The following ROCK2 variants were observed in gnomAD, a reference collection of about 807,000 sequenced individuals.
ROCK2 encodes Rho associated coiled-coil containing protein kinase 2, also known as rho-associated protein kinase 2.
Under a neutral mutation model 195.1 loss-of-function variants are expected in ROCK2, and 61 were observed. That is an observed-to-expected ratio of 0.31 (90% CI 0.25 to 0.39). ROCK2 has a LOEUF of 0.39. ROCK2 is among the 10% of genes least tolerant of loss of function. The probability of loss-of-function intolerance (pLI) is 1.00; values close to 1 mark genes in which losing one functional copy is unlikely to be tolerated. For synonymous variants in ROCK2, 504 were observed against 545.5 expected (o/e 0.92, Z 1.06); for missense variants, 1,109 against 1,637.4 (o/e 0.68, Z 5.57).
intron 4 of ROCK2, among the ~76,000 whole-genome samples, chr2:11,239,592 A>AT (rs1466850139): frequency 1.3e-5 from 2 of 152,250 alleles, no homozygotes; most frequent in African/African-American, 2.4e-5. Context: ...GGCATTATTC[A>AT]TTATTCATAA....
intron 3 of ROCK2, among the ~76,000 whole-genome samples, chr2:11,277,507 A>G (rs1572350169): frequency 6.6e-6 from 1 of 152,072 alleles, no homozygotes; most frequent in African/African-American, 2.4e-5. Context: ...CAAGTCCCCA[A>G]AGTCCACTGT....
At chr2:11,196,703 C>T (rs553529341) in intron 27 of ROCK2, among the ~76,000 whole-genome samples, 1 of 152,162 alleles carries the variant, frequency 6.6e-6, no homozygotes, top group South Asian at 2.1e-4. Context: ...CATTAGGTTC[C>T]GATGAAATGG....
rs1328955024 is a variant in ROCK2, at chr2:11,235,696, A to G, written c.723+6T>C. The G allele has an allele frequency of 1.9e-6, 3 of 1,598,998 alleles. No individual in the cohort carries two copies. Among genetic ancestry groups the G allele is most frequent in the Admixed American group, 1.7e-5 (1 of 57,714 alleles). On this transcript the variant is annotated splice_donor_region_variant and intron_variant, in intron 5 of 32. Transcript: ENST00000315872. This position sits in a 1 kb window ranked among gnomAD's most constrained non-coding sequence, Gnocchi z 4.2. ...CACTATCGTTTTAAATAATTTGCTT[A>G]CTTACTTCATCCATCTTCATACACG...
At chr2:11,319,275 T>C (rs1395393963) in intron 1 of ROCK2, among the ~76,000 whole-genome samples, 1 of 152,218 alleles carries the variant, frequency 6.6e-6, no homozygotes. Flanking sequence ...CCTCTTTTAT[T>C]TCGTTGAGCA....
intron 3 of ROCK2, among the ~76,000 whole-genome samples, chr2:11,269,326 A>G (rs369909026): frequency 2.0e-5 from 3 of 152,098 alleles, no homozygotes; most frequent in African/African-American, 7.2e-5. Context: ...AGCCTGGCCA[A>G]CATGGCAAAA....
intron 5 of ROCK2, among the ~76,000 whole-genome samples, chr2:11,233,581 G>A (rs942887599): frequency 1.3e-5 from 2 of 152,114 alleles, no homozygotes; most frequent in Non-Finnish European, 2.9e-5. Flanking sequence ...GGGATTTGGA[G>A]GTGACCTAGA....
intron 32 of ROCK2, among the ~76,000 whole-genome samples, chr2:11,186,960 T>G (rs1239473344): frequency 3.9e-5 from 6 of 152,154 alleles, no homozygotes; most frequent in Non-Finnish European, 8.8e-5. Context: ...GTACTGTAAT[T>G]GCCTGTTGCT....
chr2:11,218,008 AG>A (rs1431471635), intron 11 of ROCK2: 1 of 154,242 alleles, frequency 6.5e-6, no homozygotes, highest in Non-Finnish European at 1.4e-5. Flanking sequence ...AAATCAATGC[AG>A]GTCTATTAGA....
chr2:11,198,466 C>T (rs370020438), intron 25 of ROCK2, 25 bp downstream of exon 25: 48 of 1,473,920 alleles, frequency 3.3e-5, no homozygotes, highest in Non-Finnish European at 1.4e-5. Context: ...AATTCAAAAT[C>T]ATATTTAGAT....
chr2:11,227,165 C>T (rs1664842633), intron 6 of ROCK2, 89 bp downstream of exon 6: 7 of 1,220,998 alleles, frequency 5.7e-6, no homozygotes, highest in East Asian at 2.4e-5. Flanking sequence ...ACGACAAAGG[C>T]AATTAATTTC....
intron 18 of ROCK2, among the ~76,000 whole-genome samples, chr2:11,211,383 C>G (rs1037178464): frequency 6.6e-6 from 1 of 152,002 alleles, no homozygotes; most frequent in Non-Finnish European, 1.5e-5. Context: ...TACACGTATA[C>G]CGAGTGGTAC....
intron 1 of ROCK2, among the ~76,000 whole-genome samples, chr2:11,331,861 A>T (rs1184970965): frequency 1.3e-5 from 2 of 152,140 alleles, no homozygotes; most frequent in East Asian, 3.9e-4. Context: ...GGGAGGCGGA[A>T]GTTGCAGTGA....
At chr2:11,291,659 C>T (rs1667366969) in intron 1 of ROCK2, among the ~76,000 whole-genome samples, 1 of 152,106 alleles carries the variant, frequency 6.6e-6, no homozygotes, top group African/African-American at 2.4e-5. Context: ...AATTGATAAG[C>T]AATATGATGG....
intron 6 of ROCK2, among the ~76,000 whole-genome samples, chr2:11,226,356 A>AT (rs1664810908): frequency 6.6e-6 from 1 of 152,196 alleles, no homozygotes; most frequent in Non-Finnish European, 1.5e-5. Context: ...GAAATAACTA[A>AT]ATCTGTCTCT....
chr2:11,223,896 G>T (rs1424181503), intron 7 of ROCK2, among the ~76,000 whole-genome samples: 1 of 152,102 alleles, frequency 6.6e-6, no homozygotes, highest in African/African-American at 2.4e-5. Flanking sequence ...ATTAAAAAGG[G>T]TTGGGAAGGA....
intron 4 of ROCK2, 91 bp downstream of exon 4, chr2:11,249,570 A>T: frequency 1.0e-6 from 1 of 999,042 alleles, no homozygotes; most frequent in Non-Finnish European, 1.4e-6. Flanking sequence ...CATGTAAATG[A>T]AGCATAAGAC....
Position 11,197,799 on chromosome 2 carries a change from C to A in ROCK2, c.3100-94G>T. ...CATCAAGAGCAACAAGTTATACAATCACAAATACTCTCCTTCCCTACATAC... is the reference window on the plus strand; with the variant it reads ...CATCAAGAGCAACAAGTTATACAATAACAAATACTCTCCTTCCCTACATAC... On this transcript the variant is annotated intron_variant, in intron 25 of 32. Transcript: ENST00000315872. The surrounding 1 kb of genome is among the most constrained non-coding windows in gnomAD (Gnocchi z 4.9). 1 of 745,360 alleles carries A rather than the reference C, an allele frequency of 1.3e-6. No individual in the cohort carries two copies. The allele number at this position is 745,360 out of a possible 1,614,324, so 46.2% of individuals were successfully genotyped here.
intron 5 of ROCK2, among the ~76,000 whole-genome samples, chr2:11,230,461 T>C (rs994857581): frequency 1.3e-5 from 2 of 152,110 alleles, no homozygotes; most frequent in South Asian, 2.1e-4. Flanking sequence ...TGATATATCA[T>C]AGTACAGAAA....
chr2:11,329,801 T>G (rs1285761476), intron 1 of ROCK2, among the ~76,000 whole-genome samples: 1 of 152,214 alleles, frequency 6.6e-6, no homozygotes, highest in African/African-American at 2.4e-5. Flanking sequence ...CTTTAAATGT[T>G]CTCTTGCTTT....
Sources: gnomAD v4.1 joint callset for allele counts (sites outside exome capture counted in the v4.1 genomes callset) on GRCh38, gnomAD v4.1.1 for gene constraint, Gnocchi (gnomAD v3.1) non-coding constraint, MANE v1.5 for transcripts, NCBI Gene and HGNC (gene_info 2026-07-23, HGNC 2026-07-21) for gene names.